Variants in GALNT13 observed in about 807,000 individuals in gnomAD.
The protein encoded by GALNT13 is UDP-GalNAc:polypeptide N-acetylgalactosaminyltransferase 13.
GALNT13 carries 28 observed loss-of-function variants against 64.2 expected under a neutral mutation model. The observed-to-expected ratio is 0.44, with a 90% CI of 0.32 to 0.60. GALNT13 has a LOEUF of 0.60. Among genes scored for constraint, GALNT13 ranks in the 20% least tolerant of loss-of-function variants. The pLI is 0.05. For synonymous variants in GALNT13, 214 were observed against 224.6 expected (o/e 0.95, Z 0.42); for missense variants, 577 against 669.8 (o/e 0.86, Z 1.53).
the GALNT13 span, among the ~76,000 whole-genome samples, chr2:153,330,096 C>T: frequency 6.6e-6 from 1 of 152,162 alleles, no homozygotes; most frequent in Non-Finnish European, 1.5e-5. Flanking sequence ...AGGTGTGAAG[C>T]TTTAATTCTA....
chr2:154,302,025 A>G (rs942871698), intron 9 of GALNT13, among the ~76,000 whole-genome samples: 25 of 152,088 alleles, frequency 1.6e-4, no homozygotes, highest in African/African-American at 6.0e-4. Flanking sequence ...TAATATGAGT[A>G]AAACGTTTTC....
the GALNT13 span, among the ~76,000 whole-genome samples, chr2:153,204,145 T>G: frequency 6.6e-6 from 1 of 152,174 alleles, no homozygotes; most frequent in African/African-American, 2.4e-5. Flanking sequence ...CTGTTGGGTA[T>G]TCCCTTCCCT....
At chr2:153,683,098 AAAAG>A in the GALNT13 span, among the ~76,000 whole-genome samples, 3 of 151,764 alleles carry the variant, frequency 2.0e-5, no homozygotes, top group African/African-American at 7.3e-5. Flanking sequence ...TAAGATCCTT[AAAAG>A]GATTGTATGC....
At chr2:153,808,400 T>G in the GALNT13 span, among the ~76,000 whole-genome samples, 1 of 152,152 alleles carries the variant, frequency 6.6e-6, no homozygotes, top group African/African-American at 2.4e-5. Context: ...CATTTTTTCT[T>G]TCTACTCTTC....
At chr2:153,493,069 A>C in the GALNT13 span, among the ~76,000 whole-genome samples, 33 of 152,268 alleles carry the variant, frequency 2.2e-4, no homozygotes, top group East Asian at 1.9e-4. Flanking sequence ...TTTAAATGTT[A>C]CAAAAGAAGG....
chr2:154,266,667 G>A (rs181739238), intron 8 of GALNT13, among the ~76,000 whole-genome samples: 45 of 151,952 alleles, frequency 3.0e-4, no homozygotes, highest in African/African-American at 1.0e-3. Flanking sequence ...ATGATATTAA[G>A]ATGACAATTC....
At chr2:153,162,527 A>C in the GALNT13 span, among the ~76,000 whole-genome samples, 1 of 152,142 alleles carries the variant, frequency 6.6e-6, no homozygotes, top group Non-Finnish European at 1.5e-5. Flanking sequence ...CAGATAAGGA[A>C]AGGCAATTTC....
chr2:153,883,602 C>T (rs1314254612), intron 1 of GALNT13, among the ~76,000 whole-genome samples: 1 of 151,938 alleles, frequency 6.6e-6, no homozygotes, highest in Non-Finnish European at 1.5e-5. Flanking sequence ...TGAAGTAGTC[C>T]AGGAAGGTGA....
At chr2:153,093,236 C>CTTTTT in the GALNT13 span, among the ~76,000 whole-genome samples, 3,522 of 128,786 alleles carry the variant, frequency 0.027, 170 homozygotes, top group Non-Finnish European at 0.04. Flanking sequence ...TTTTTCTTTT[C>CTTTTT]TTTTCTTTTT....
chr2:154,138,138 T>C (rs904595388), intron 3 of GALNT13, among the ~76,000 whole-genome samples: 1 of 152,084 alleles, frequency 6.6e-6, no homozygotes, highest in South Asian at 2.1e-4. Context: ...TTACTGCCCC[T>C]AGCTCCCTAC....
chr2:153,442,733 G>C, the GALNT13 span, among the ~76,000 whole-genome samples: 1 of 152,204 alleles, frequency 6.6e-6, no homozygotes, highest in African/African-American at 2.4e-5. Context: ...TTCTTTCAGA[G>C]ATGCCCTGCC....
chr2:153,858,138 A>G, the GALNT13 span, among the ~76,000 whole-genome samples: 1 of 152,152 alleles, frequency 6.6e-6, no homozygotes, highest in African/African-American at 2.4e-5. Flanking sequence ...GTTAGTTTTT[A>G]CTGAGAAGAT....
intron 9 of GALNT13, among the ~76,000 whole-genome samples, chr2:154,386,273 A>T (rs971244820): frequency 6.6e-6 from 1 of 152,066 alleles, no homozygotes; most frequent in Non-Finnish European, 1.5e-5. Context: ...CAGGGGAAAA[A>T]AATGTAACCA....
intron 3 of GALNT13, among the ~76,000 whole-genome samples, chr2:154,090,921 G>C (rs1388643506): frequency 6.6e-6 from 1 of 151,786 alleles, no homozygotes; most frequent in Non-Finnish European, 1.5e-5. Context: ...TCTTTTGCAT[G>C]AGGATTTAGG....
Position 154,318,927 on chromosome 2 carries a change from A to G in GALNT13, c.1156+17338A>G, listed in dbSNP as rs185375591. 3.4e-4 allele frequency among the ~76,000 whole-genome samples: 51 copies of G among 152,140 alleles called. No homozygotes were observed. In the East Asian group the frequency reaches 4.7e-3, roughly 14 times the overall value. On this transcript the variant is annotated intron_variant, in intron 9 of 12. Transcript: ENST00000392825. ...TATATACAAATATATATACACACAT[A>G]TGTATACAGAGAGCATATGATAATC...
the GALNT13 span, among the ~76,000 whole-genome samples, chr2:153,628,430 C>T: frequency 1.3e-5 from 2 of 152,042 alleles, no homozygotes; most frequent in Admixed American, 6.6e-5. Flanking sequence ...TGCCCGTTTT[C>T]AAAGGGAATG....
chr2:154,016,184 T>C (rs1458738143), intron 3 of GALNT13, among the ~76,000 whole-genome samples: 1 of 152,182 alleles, frequency 6.6e-6, no homozygotes, highest in African/African-American at 2.4e-5. Context: ...ATTTAATACA[T>C]TCTATATCAT....
the GALNT13 span, among the ~76,000 whole-genome samples, chr2:153,088,923 C>T: frequency 6.6e-6 from 1 of 152,056 alleles, no homozygotes; most frequent in Non-Finnish European, 1.5e-5. Context: ...TTTATCCATT[C>T]TGCCGGTGTG....
At chr2:154,033,092 AT>A (rs972033622) in intron 3 of GALNT13, among the ~76,000 whole-genome samples, 3 of 151,980 alleles carry the variant, frequency 2.0e-5, no homozygotes, top group African/African-American at 7.2e-5. Flanking sequence ...AGAGAAATGT[AT>A]TTTCAATGAA....
Sources: gnomAD v4.1 joint callset for allele counts (sites outside exome capture counted in the v4.1 genomes callset) on GRCh38, gnomAD v4.1.1 for gene constraint, MANE v1.5 for transcripts, NCBI Gene and HGNC (gene_info 2026-07-23, HGNC 2026-07-21) for gene names.